The following ZNF638 variants were observed in gnomAD, a reference collection of about 807,000 sequenced individuals.
ZNF638 encodes zinc finger protein 638.
A neutral mutation model predicts 195.6 loss-of-function variants in ZNF638; 46 were observed. The ratio of observed to expected loss-of-function variants is 0.24; its 90% CI spans 0.19 to 0.30. The LOEUF (loss-of-function observed/expected upper bound fraction) is 0.30. ZNF638 is among the 10% of genes least tolerant of loss of function. ZNF638 has a pLI of 1.00. For synonymous variants in ZNF638, 845 were observed against 772.0 expected, an observed-to-expected ratio of 1.09 and a Z score of -1.57; for missense variants, 2,440 against 2,325.3, an observed-to-expected ratio of 1.05 and a Z score of -1.01.
At chr2:71,382,870 C>A (rs1043156340) in intron 10 of ZNF638, among the ~76,000 whole-genome samples, 2 of 152,230 alleles carry the variant, frequency 1.3e-5, no homozygotes, top group Admixed American at 1.3e-4. Context: ...GTAAAAATGA[C>A]TTATTAAGTA....
Position 71,348,829 on chromosome 2 carries a change from G to A in ZNF638, c.-126G>A, listed in dbSNP as rs753683630. ...GGGCATTGCAAACCCACTTCTGTTG[G>A]GCCCATCTCCTTTGCACTTTGCTCA... On this transcript the variant is annotated 5_prime_UTR_variant, in exon 2 of 28. Coordinates refer to ENST00000264447, the MANE Select transcript of ZNF638 (RefSeq NM_014497.5). The A allele has an allele frequency of 6.2e-7, 1 of 1,601,798 alleles. No individual in the cohort carries two copies. Among genetic ancestry groups the A allele is most frequent in the South Asian group, 1.1e-5 (1 of 89,576 alleles).
chr2:71,374,529 A>C (rs1022050171), intron 8 of ZNF638, among the ~76,000 whole-genome samples: 1 of 152,202 alleles, frequency 6.6e-6, no homozygotes, highest in Non-Finnish European at 1.5e-5. Flanking sequence ...TTAGTTTTAG[A>C]ATCAGTTTAA....
chr2:71,423,708 A>T lies in ZNF638; in HGVS notation c.4194A>T (p.Ile1398=). ...GTAAACCAAGCATCAAGGCTGTTATAGTCTCTTCTCCTAAGGCAAAAGCTA... is the reference window on the plus strand; with the variant it reads ...GTAAACCAAGCATCAAGGCTGTTATTGTCTCTTCTCCTAAGGCAAAAGCTA... ...SSSKPSIKAV[I]VSSPKAKATV... is the part of the protein sequence containing the mutation. Residue 1398 remains isoleucine (I), a synonymous_variant, in exon 22 of 28, where the codon ATA becomes ATT. Coordinates refer to ENST00000264447, the MANE Select transcript of ZNF638 (RefSeq NM_014497.5). 6.2e-7 allele frequency: 1 copy of T among 1,613,920 alleles called. No homozygotes were observed. The highest frequency in any genetic ancestry group is 8.5e-7 in the Non-Finnish European group (1 of 1,180,024).
intron 23 of ZNF638, 151 bp downstream of exon 23, chr2:71,424,866 T>C: frequency 4.8e-6 from 3 of 619,816 alleles, no homozygotes; most frequent in East Asian, 3.0e-5. Flanking sequence ...AACTTATCTC[T>C]AATCCTACCA....
chr2:71,398,365 G>A (rs2079938942), intron 11 of ZNF638, among the ~76,000 whole-genome samples: 1 of 152,006 alleles, frequency 6.6e-6, no homozygotes, highest in East Asian at 1.9e-4. Context: ...TTTTTTTTAA[G>A]TACTTACATG....
In ZNF638 at chr2:71,380,246, T is replaced by G. The variant is rs1464235328; in HGVS notation, c.2290T>G (p.Leu764Val). The part of the protein sequence containing the change: ...AQNKEVKKKT[L>V]ESKKVSASTL... ...GAACAAAGAGGTGAAGAAAAAGACT[T>G]TAGAGTCAAAGAAAGTATCTGCATC... Residue 764 changes from leucine (L) to valine (V), a missense_variant, in exon 9 of 28, where the codon TTA (leucine) becomes GTA (valine). Physicochemically the swap from Leu to Val is conservative, Grantham distance 32. Transcript: ENST00000264447. The G allele has an allele frequency of 6.4e-7, 1 of 1,568,326 alleles. No homozygotes were observed. Among genetic ancestry groups the G allele is most frequent in the Non-Finnish European group, 8.6e-7 (1 of 1,162,768 alleles).
At chr2:71,428,681 A>G in intron 25 of ZNF638, 30 bp downstream of exon 25, 1 of 1,562,252 alleles carries the variant, frequency 6.4e-7, no homozygotes, top group African/African-American at 1.4e-5. Context: ...ATGGGAAGGA[A>G]AGTTACACAA....
intron 2 of ZNF638, among the ~76,000 whole-genome samples, chr2:71,352,325 A>C (rs1307962310): frequency 6.6e-6 from 1 of 151,966 alleles, no homozygotes; most frequent in Non-Finnish European, 1.5e-5. Flanking sequence ...TAAAAATACA[A>C]GAATTAGCCG....
intron 22 of ZNF638, among the ~76,000 whole-genome samples, chr2:71,424,246 G>A (rs976337206): frequency 1.3e-5 from 2 of 149,766 alleles, no homozygotes; most frequent in African/African-American, 4.9e-5. Flanking sequence ...TTATTGACAT[G>A]TTTGAAAAGC....
intron 15 of ZNF638, among the ~76,000 whole-genome samples, chr2:71,401,601 C>T (rs1009114128): frequency 1.3e-5 from 2 of 151,744 alleles, no homozygotes; most frequent in African/African-American, 2.4e-5. Flanking sequence ...ACACAAGAAT[C>T]ACTTGAACCT....
At chr2:71,399,982 G>A (rs1162192069) in intron 13 of ZNF638, 130 bp from the exon 14 acceptor site, 1 of 664,148 alleles carries the variant, frequency 1.5e-6, no homozygotes, top group African/African-American at 1.9e-5. Context: ...TTCAAAGAGA[G>A]ATGTTTGGCT....
In ZNF638 at chr2:71,431,400, C is replaced by T. The variant is rs922369870; in HGVS notation, c.5724C>T (p.Gly1908=). 2 of 1,613,902 alleles carry T rather than the reference C, an allele frequency of 1.2e-6. No homozygotes were observed. Among genetic ancestry groups the T allele is most frequent in the Non-Finnish European group, 1.7e-6 (2 of 1,179,856 alleles). ...KRKKTEDSSS[G]KSVASDVPEE... ...AGAAGACTGAAGACTCTTCTTCAGGCAAATCAGTGGCGTCTGATGTCCCTG... is the reference window on the plus strand; with the variant it reads ...AGAAGACTGAAGACTCTTCTTCAGGTAAATCAGTGGCGTCTGATGTCCCTG... The change falls in exon 26 of 28, where the codon GGC becomes GGT. Residue 1908 remains glycine (G), a synonymous_variant. Coordinates refer to ENST00000264447, the MANE Select transcript of ZNF638 (RefSeq NM_014497.5).
At position 71,351,944 on chromosome 2, in the gene ZNF638, A is replaced by G. The variant is rs191718275; in HGVS notation, c.1317+1673A>G. ...CCAGCATCATCAATTTACCAATTTAATCATTACCAATTTGCCAATTTAATT... is the reference window on the plus strand; with the variant it reads ...CCAGCATCATCAATTTACCAATTTAGTCATTACCAATTTGCCAATTTAATT... On this transcript the variant is annotated intron_variant, in intron 2 of 27. Coordinates refer to ENST00000264447, the MANE Select transcript of ZNF638 (RefSeq NM_014497.5). 3.9e-5 allele frequency among the ~76,000 whole-genome samples: 6 copies of G among 152,334 alleles called. No homozygotes were observed. In the East Asian group the frequency reaches 1.2e-3, roughly 29 times the overall value.
intron 8 of ZNF638, chr2:71,376,310 A>AT (rs1342832076): frequency 6.6e-6 from 1 of 152,228 alleles, no homozygotes; most frequent in Non-Finnish European, 1.5e-5. Context: ...ACAGAGCAAC[A>AT]TGCCTAGGGA....
intron 16 of ZNF638, 124 bp downstream of exon 16, chr2:71,402,211 G>T: frequency 9.8e-7 from 1 of 1,018,084 alleles, no homozygotes; most frequent in Non-Finnish European, 1.4e-6. Context: ...TTCAAGCTAA[G>T]GGATTTTAAA....
At chr2:71,355,825 ATAGT>A (rs779685854) in intron 3 of ZNF638, 45 bp downstream of exon 3, 5 of 1,205,708 alleles carry the variant, frequency 4.1e-6, no homozygotes, top group East Asian at 5.2e-5. Context: ...TATTTACAAA[ATAGT>A]TAATGTTCAG....
intron 10 of ZNF638, among the ~76,000 whole-genome samples, chr2:71,381,986 G>C (rs912813863): frequency 3.3e-5 from 5 of 152,150 alleles, no homozygotes; most frequent in Admixed American, 1.3e-4. Context: ...ACTTTGGGAT[G>C]ATGAGGACCT....
chr2:71,350,342 A>T (rs966443155), intron 2 of ZNF638, 71 bp downstream of exon 2: 4 of 1,443,896 alleles, frequency 2.8e-6, no homozygotes, highest in Admixed American at 2.0e-5. Flanking sequence ...TCTGATATGT[A>T]TGCTGCTTGT....
At chr2:71,429,929 A>G (rs1433063047) in intron 25 of ZNF638, among the ~76,000 whole-genome samples, 3 of 152,122 alleles carry the variant, frequency 2.0e-5, no homozygotes, top group East Asian at 3.9e-4. Context: ...TAACCAAGCT[A>G]TAGGTGGTGG....
Sources: allele counts gnomAD v4.1 joint callset (sites outside exome capture counted in the v4.1 genomes callset), GRCh38; gene constraint gnomAD v4.1.1; transcripts MANE v1.5; gene names NCBI Gene and HGNC (gene_info 2026-07-23, HGNC 2026-07-21).